TMTC1: variants seen among roughly 807,000 people sequenced by gnomAD.
TMTC1 encodes protein O-mannosyl-transferase TMTC1.
In TMTC1, 73 loss-of-function variants were observed where a neutral mutation model predicts 104.8. The observed-to-expected ratio is 0.70, with a 90% CI of 0.58 to 0.85. TMTC1 has a LOEUF of 0.85. Ranked by LOEUF, TMTC1 falls within the 40% of genes least tolerant of loss-of-function variation. TMTC1 has a pLI of 0.00. For missense variants in TMTC1, 1,035 were observed against 1,096.1 expected (o/e 0.94, Z 0.79); for synonymous variants, 434 against 428.7 (o/e 1.01, Z -0.15).
intron 6 of TMTC1, among the ~76,000 whole-genome samples, chr12:29,628,215 GAAGCGTGACCCT>G (rs746968817): frequency 2.0e-5 from 3 of 152,152 alleles, no homozygotes; most frequent in Non-Finnish European, 4.4e-5. Flanking sequence ...TTAGTGAACA[GAAGCGTGACCCT>G]AAGTGGATGG....
At chr12:29,769,054 T>A (rs1051047584) in intron 1 of TMTC1, among the ~76,000 whole-genome samples, 2 of 152,172 alleles carry the variant, frequency 1.3e-5, no homozygotes, top group Non-Finnish European at 2.9e-5. Context: ...AGGTCTTCAA[T>A]TCTCAGGCCT....
At chr12:29,737,806 G>A (rs1942720773) in intron 5 of TMTC1, among the ~76,000 whole-genome samples, 1 of 152,166 alleles carries the variant, frequency 6.6e-6, no homozygotes, top group Non-Finnish European at 1.5e-5. Flanking sequence ...TCCACATGTA[G>A]GAAGACCTAC....
At chr12:29,688,464 G>A (rs10843489) in intron 5 of TMTC1, among the ~76,000 whole-genome samples, 21,049 of 152,144 alleles carry the variant, frequency 0.14, 1,741 homozygotes, top group East Asian at 0.34. Flanking sequence ...GAAGAGTTCT[G>A]CAATATGTCA....
At chr12:29,745,393 C>A (rs558743174) in intron 5 of TMTC1, among the ~76,000 whole-genome samples, 1 of 151,992 alleles carries the variant, frequency 6.6e-6, no homozygotes, top group African/African-American at 2.4e-5. Context: ...GAGGCCAAGG[C>A]GGGCAGATCA....
chr12:29,545,678 G>GA (rs1944925521), intron 10 of TMTC1, among the ~76,000 whole-genome samples: 1 of 65,924 alleles, frequency 1.5e-5, no homozygotes, highest in South Asian at 4.5e-4. Flanking sequence ...CACACACACG[G>GA]ATAGAAACTA....
At chr12:29,548,095 C>T (rs562483726) in intron 10 of TMTC1, among the ~76,000 whole-genome samples, 32 of 152,216 alleles carry the variant, frequency 2.1e-4, no homozygotes, top group Admixed American at 1.4e-3. Flanking sequence ...CTGGAGGGAG[C>T]GCCTCAACTG....
chr12:29,600,759 G>A (rs1207705676), intron 7 of TMTC1, among the ~76,000 whole-genome samples: 4 of 152,162 alleles, frequency 2.6e-5, no homozygotes, highest in Admixed American at 6.5e-5. Context: ...CCTCTGCTCC[G>A]GTGGCTCTGG....
chr12:29,767,877 C>A (rs1427667207), intron 2 of TMTC1, 21 bp downstream of exon 2: 6 of 1,611,440 alleles, frequency 3.7e-6, no homozygotes, highest in Non-Finnish European at 5.1e-6. Flanking sequence ...CGTTATTTCA[C>A]TGAGATCCAA....
chr12:29,696,996 C>T (rs1198714980), intron 5 of TMTC1, among the ~76,000 whole-genome samples: 4 of 152,260 alleles, frequency 2.6e-5, no homozygotes, highest in Non-Finnish European at 4.4e-5. Flanking sequence ...TTTACGTGTA[C>T]GGCATCCTCA....
At chr12:29,701,176 A>C (rs2136797585) in intron 5 of TMTC1, among the ~76,000 whole-genome samples, 1 of 152,256 alleles carries the variant, frequency 6.6e-6, no homozygotes, top group Admixed American at 6.5e-5. Context: ...AGTACAAGTA[A>C]ATTCAGAAGA....
intron 2 of TMTC1, among the ~76,000 whole-genome samples, chr12:29,765,882 T>C (rs1043789334): frequency 1.3e-5 from 2 of 152,242 alleles, no homozygotes; most frequent in Non-Finnish European, 2.9e-5. Flanking sequence ...CTCCAAGTTA[T>C]TGGCAAATAT....
At chr12:29,528,509 A>T (rs4931201) in intron 11 of TMTC1, among the ~76,000 whole-genome samples, 28,949 of 152,134 alleles carry the variant, frequency 0.19, 3,131 homozygotes, top group East Asian at 0.38. Flanking sequence ...AACACAGTCA[A>T]CATCCCCACT....
At chr12:29,772,563 A>T (rs1275097004) in intron 1 of TMTC1, among the ~76,000 whole-genome samples, 3 of 152,208 alleles carry the variant, frequency 2.0e-5, no homozygotes, top group African/African-American at 7.2e-5. Context: ...ACTCACTCTA[A>T]GATCAGCCTG....
intron 7 of TMTC1, among the ~76,000 whole-genome samples, chr12:29,585,763 A>G (rs997924628): frequency 1.3e-5 from 2 of 152,170 alleles, no homozygotes; most frequent in Non-Finnish European, 2.9e-5. Flanking sequence ...ATGCAGCATT[A>G]TTTCTGAAGG....
intron 5 of TMTC1, among the ~76,000 whole-genome samples, chr12:29,729,704 T>C (rs1385569645): frequency 6.6e-6 from 1 of 152,184 alleles, no homozygotes; most frequent in Non-Finnish European, 1.5e-5. Flanking sequence ...CCCCCTCCAA[T>C]GATCCTAATT....
At chr12:29,577,892 C>A (rs1945867261) in intron 8 of TMTC1, among the ~76,000 whole-genome samples, 1 of 151,876 alleles carries the variant, frequency 6.6e-6, no homozygotes, top group Non-Finnish European at 1.5e-5. Context: ...TTGGCAAAAT[C>A]CAGGTAAGCG....
intron 5 of TMTC1, among the ~76,000 whole-genome samples, chr12:29,720,507 A>G (rs1019205182): frequency 5.9e-5 from 9 of 152,242 alleles, no homozygotes; most frequent in Admixed American, 1.3e-4. Flanking sequence ...TAGAAATAAA[A>G]AGCATAACTG....
At chr12:29,644,119 G>GTGTA (rs1317913504) in intron 5 of TMTC1, among the ~76,000 whole-genome samples, 2 of 85,076 alleles carry the variant, frequency 2.4e-5, no homozygotes, top group East Asian at 5.3e-4. Flanking sequence ...ATATGTGTGT[G>GTGTA]TGTGTGTGTG....
intron 10 of TMTC1, among the ~76,000 whole-genome samples, chr12:29,552,074 C>G (rs1051096207): frequency 6.6e-6 from 1 of 152,146 alleles, no homozygotes. Flanking sequence ...CTTGGATGCT[C>G]TGATAGAGTC....
Sources: allele counts gnomAD v4.1 joint callset (sites outside exome capture counted in the v4.1 genomes callset), GRCh38; gene constraint gnomAD v4.1.1; transcripts MANE v1.5; gene names NCBI Gene and HGNC (gene_info 2026-07-23, HGNC 2026-07-21).